The following CUBN variants were observed in gnomAD, a reference collection of about 807,000 sequenced individuals.
The protein encoded by CUBN is cubilin, also known as 460 kDa receptor.
A neutral mutation model predicts 405.3 loss-of-function variants in CUBN; 282 were observed. The ratio of observed to expected loss-of-function variants is 0.70; its 90% CI spans 0.63 to 0.77. The LOEUF (loss-of-function observed/expected upper bound fraction) is 0.77, where lower values mean the gene tolerates loss of function less well. Among genes scored for constraint, CUBN ranks in the 30% least tolerant of loss-of-function variants. CUBN has a pLI of 0.00. For synonymous variants in CUBN, 1,684 were observed against 1,617.0 expected (o/e 1.04, Z -0.99); for missense variants, 4,514 against 4,475.2 (o/e 1.01, Z -0.25).
At chr10:16,975,621 C>A (rs893060992) in intron 31 of CUBN, among the ~76,000 whole-genome samples, 15 of 55,126 alleles carry the variant, frequency 2.7e-4, no homozygotes, top group Admixed American at 2.3e-3. Context: ...TCTTAAAGAC[C>A]TTCTTTTTTT....
intron 3 of CUBN, 94 bp from the exon 4 acceptor site, chr10:17,126,893 C>T: frequency 8.0e-7 from 1 of 1,249,496 alleles, no homozygotes; most frequent in Non-Finnish European, 1.2e-6. Flanking sequence ...ATGCCCTCTG[C>T]TAGGGACACA....
At position 16,890,373 on chromosome 10, in the gene CUBN, C is replaced by G. The variant is rs761060841; in HGVS notation, c.8753G>C (p.Ser2918Thr). The change falls in exon 55 of 67, where the codon AGC (serine) becomes ACC (threonine). Residue 2918 changes from serine to threonine, a missense_variant and splice_region_variant. By Grantham distance (58) the Ser-to-Thr change is moderately conservative (BLOSUM62 1). Transcript: ENST00000377833. ...PAQGFSASFVSRCGSNFTGPS... is the reference protein window; with the variant it reads ...PAQGFSASFVTRCGSNFTGPS... ...GTTTGGTTCTTAGGGCTACTTACGG[C>G]TAACAAAGGACGCGGAGAAGCCCTG... 3.1e-6 allele frequency: 5 copies of G among 1,612,858 alleles called. No homozygotes were observed. Among genetic ancestry groups the G allele is most frequent in the East Asian group, 2.2e-5 (1 of 44,868 alleles).
Position 17,103,255 on chromosome 10 carries a change from A to C in CUBN, c.1418-18T>G. The C allele has an allele frequency of 2.0e-6, 3 of 1,486,956 alleles. No homozygotes were observed. The highest frequency in any genetic ancestry group is 2.8e-6 in the Non-Finnish European group (3 of 1,063,880). 92.1% of individuals were successfully genotyped at this position (1,486,956 alleles called of 1,614,324 possible). A position where few individuals can be genotyped will look rare whatever the true frequency, so the allele number is the denominator to read the frequency against. On this transcript the variant is annotated intron_variant, in intron 12 of 66. Coordinates refer to ENST00000377833, the MANE Select transcript of CUBN (RefSeq NM_001081.4). ...TCCACAAACTGCAAAGGAAAAGATGAACTGTGCTTTTCAGAGGTTCCTAAA... is the reference window on the plus strand; with the variant it reads ...TCCACAAACTGCAAAGGAAAAGATGCACTGTGCTTTTCAGAGGTTCCTAAA...
chr10:16,827,432 T>C (rs982149633), intron 66 of CUBN, among the ~76,000 whole-genome samples: 44 of 152,348 alleles, frequency 2.9e-4, no homozygotes, highest in African/African-American at 1.0e-3. Flanking sequence ...TTTCTGATAC[T>C]TCTGAAAACA....
At chr10:16,986,284 C>A (rs1166200524) in intron 29 of CUBN, among the ~76,000 whole-genome samples, 3 of 151,808 alleles carry the variant, frequency 2.0e-5, no homozygotes, top group Non-Finnish European at 4.4e-5. Context: ...TGCCTTTCCC[C>A]CACCTCGGGA....
chr10:16,833,488 C>T (rs1466538290), intron 64 of CUBN, among the ~76,000 whole-genome samples: 2 of 152,008 alleles, frequency 1.3e-5, no homozygotes, highest in Non-Finnish European at 2.9e-5. Context: ...GAGAGCTTTC[C>T]AGGATGATAA....
chr10:17,074,465 A>G (rs1028826464), intron 17 of CUBN, among the ~76,000 whole-genome samples: 1 of 152,242 alleles, frequency 6.6e-6, no homozygotes, highest in East Asian at 1.9e-4. Context: ...TGACATTCAC[A>G]TAAGTGAAAG....
chr10:17,041,286 T>C, intron 26 of CUBN, 66 bp from the exon 27 acceptor site: 1 of 1,342,132 alleles, frequency 7.5e-7, no homozygotes. Flanking sequence ...AGATGAGATT[T>C]TCCTTTAAAA....
intron 17 of CUBN, among the ~76,000 whole-genome samples, chr10:17,081,190 G>T (rs991387325): frequency 4.6e-5 from 7 of 152,166 alleles, no homozygotes; most frequent in Non-Finnish European, 1.0e-4. Context: ...ATCTGTGAAA[G>T]ATACACACTC....
At chr10:17,056,427 G>A (rs1200544749) in intron 22 of CUBN, among the ~76,000 whole-genome samples, 1 of 152,036 alleles carries the variant, frequency 6.6e-6, no homozygotes, top group Non-Finnish European at 1.5e-5. Context: ...TGGCTAACAC[G>A]GTGAAACCCG....
chr10:16,930,765 T>C (rs1437045278), intron 40 of CUBN, among the ~76,000 whole-genome samples: 1 of 152,118 alleles, frequency 6.6e-6, no homozygotes, highest in East Asian at 1.9e-4. Context: ...CTCTCTGGGG[T>C]AGCCCAGGAA....
rs1838729544 is a variant in CUBN at position 16,824,900 on chromosome 10, A to G, written c.*75T>C. Reference sequence around the variant, plus strand: ...ATTCTCTGTGGCATCAGCAGGGGTCATGTATCAGGATGGCAGAGTGCTGTC... The same window carrying G: ...ATTCTCTGTGGCATCAGCAGGGGTCGTGTATCAGGATGGCAGAGTGCTGTC... On this transcript the variant is annotated 3_prime_UTR_variant, in exon 67 of 67. Coordinates refer to ENST00000377833, the MANE Select transcript of CUBN (RefSeq NM_001081.4). 2 of 971,844 alleles carry G rather than the reference A, an allele frequency of 2.1e-6. No homozygotes were observed. The highest frequency in any genetic ancestry group is 1.6e-5 in the African/African-American group (1 of 62,754). The allele number at this position is 971,844 out of a possible 1,614,324, so 60.2% of individuals were successfully genotyped here. A position where few individuals can be genotyped will look rare whatever the true frequency, so the allele number is the denominator to read the frequency against.
At chr10:16,884,650 G>GTCA (rs1840760046) in intron 56 of CUBN, among the ~76,000 whole-genome samples, 1 of 152,120 alleles carries the variant, frequency 6.6e-6, no homozygotes, top group Non-Finnish European at 1.5e-5. Flanking sequence ...CGGAAAGTAG[G>GTCA]TCACTGAGCC....
rs1836139876 is a variant in CUBN at position 17,087,466 on chromosome 10, C to CTTCTTTT, written c.1947+697_1947+698insAAAAGAA. On this transcript the variant is annotated intron_variant, in intron 15 of 66. Coordinates refer to ENST00000377833, the MANE Select transcript of CUBN (RefSeq NM_001081.4). The stretch of plus-strand genomic sequence containing the variant: ...GTTCAACACAATCACTATTATTTTT[C>CTTCTTTT]TTTTTCTTTTTTTTTTTTTTTTTTT... Among the ~76,000 whole-genome samples, 6 of 79,772 alleles carry CTTCTTTT rather than the reference C, an allele frequency of 7.5e-5. No homozygotes were observed. The East Asian group carries it at 2.3e-3, about 30-fold the overall frequency. 52.3% of individuals were successfully genotyped at this position (79,772 alleles called of 152,430 possible). A position where few individuals can be genotyped will look rare whatever the true frequency, so the allele number is the denominator to read the frequency against.
chr10:16,861,867 G>C (rs138279615), intron 59 of CUBN, among the ~76,000 whole-genome samples: 2 of 151,834 alleles, frequency 1.3e-5, no homozygotes, highest in Admixed American at 6.6e-5. Flanking sequence ...AGAATCCCTG[G>C]GGGCTGGGCG....
In CUBN at chr10:17,069,759, G is replaced by A. The variant is rs572013482; in HGVS notation, c.2626-989C>T. Among the ~76,000 whole-genome samples, 70 of 152,252 alleles carry A rather than the reference G, an allele frequency of 4.6e-4. 1 individual carries two copies. In the South Asian group the frequency reaches 9.1e-3, roughly 20 times the overall value. ...GGGTCTCACTATGTTGCCCAGGCTG[G>A]TCTCGAACTCCTGAGCTCAAGTAAT... On this transcript the variant is annotated intron_variant, in intron 19 of 66. Transcript: ENST00000377833.
intron 6 of CUBN, among the ~76,000 whole-genome samples, chr10:17,117,873 C>T (rs1348772436): frequency 6.6e-6 from 1 of 152,180 alleles, no homozygotes; most frequent in Non-Finnish European, 1.5e-5. Flanking sequence ...TGTACTAACT[C>T]CCTCTGCCTC....
intron 27 of CUBN, among the ~76,000 whole-genome samples, chr10:17,037,942 C>CTT (rs397846881): frequency 8.8e-4 from 126 of 142,934 alleles, no homozygotes; most frequent in Middle Eastern, 3.7e-3. Context: ...ACACAGTCAC[C>CTT]TTTTTTTTTT....
chr10:17,052,780 AAAAAAAAGAGAG>A (rs1213372783), intron 22 of CUBN, among the ~76,000 whole-genome samples: 2 of 146,046 alleles, frequency 1.4e-5, no homozygotes, highest in African/African-American at 5.3e-5. Context: ...AAAAAAAAAA[AAAAAAAAGAGAG>A]AGAGAGAGAG....
Sources: allele counts gnomAD v4.1 joint callset (sites outside exome capture counted in the v4.1 genomes callset), GRCh38; gene constraint gnomAD v4.1.1; transcripts MANE v1.5; gene names NCBI Gene and HGNC (gene_info 2026-07-23, HGNC 2026-07-21).